The following CELF4 variants were observed in gnomAD, a reference collection of about 807,000 sequenced individuals.
The protein encoded by CELF4 is CUGBP Elav-like family member 4, also known as CUG-BP- and ETR-3-like factor 4.
In CELF4, 18 loss-of-function variants were observed where a neutral mutation model predicts 59.9. That is an observed-to-expected ratio of 0.30 (90% CI 0.21 to 0.45). The LOEUF (loss-of-function observed/expected upper bound fraction) is 0.45. Among genes scored for constraint, CELF4 ranks in the 20% least tolerant of loss-of-function variants. The pLI is 1.00. For synonymous variants in CELF4, 261 were observed against 267.1 expected, an observed-to-expected ratio of 0.98 and a Z score of 0.22; for missense variants, 456 against 689.0, an observed-to-expected ratio of 0.66 and a Z score of 3.79.
intron 3 of CELF4, among the ~76,000 whole-genome samples, chr18:37,293,345 A>G (rs2095454981): frequency 6.6e-6 from 1 of 152,108 alleles, no homozygotes. Context: ...TTTCCCAGCA[A>G]TTCTTGGCTT....
intron 2 of CELF4, among the ~76,000 whole-genome samples, chr18:37,335,709 A>G (rs1345874903): frequency 6.6e-6 from 1 of 151,982 alleles, no homozygotes; most frequent in African/African-American, 2.4e-5. Context: ...CAGGGTTTTC[A>G]CAGGTGCACT....
chr18:37,547,204 AG>A (rs1338300145), intron 1 of CELF4, among the ~76,000 whole-genome samples: 8 of 122,460 alleles, frequency 6.5e-5, no homozygotes, highest in Non-Finnish European at 1.3e-4. Context: ...CTCTTAATAC[AG>A]CTGAGCAGGG....
intron 3 of CELF4, among the ~76,000 whole-genome samples, chr18:37,302,119 C>G (rs989311538): frequency 2.0e-5 from 3 of 152,136 alleles, no homozygotes; most frequent in Admixed American, 2.0e-4. Context: ...GAATTTGGGC[C>G]GTATTAATAA....
At chr18:37,425,948 T>C (rs1378354773) in intron 2 of CELF4, among the ~76,000 whole-genome samples, 1 of 152,194 alleles carries the variant, frequency 6.6e-6, no homozygotes, top group Admixed American at 6.5e-5. Flanking sequence ...GGGAGAGGCT[T>C]CTCTGCCAAG....
chr18:37,389,420 G>A (rs2099133784), intron 2 of CELF4, among the ~76,000 whole-genome samples: 1 of 152,146 alleles, frequency 6.6e-6, no homozygotes, highest in South Asian at 2.1e-4. Context: ...TTTTAATTGA[G>A]CCTTGCACCA....
intron 2 of CELF4, among the ~76,000 whole-genome samples, chr18:37,423,399 G>C (rs1025104932): frequency 2.0e-5 from 3 of 152,176 alleles, no homozygotes; most frequent in African/African-American, 4.8e-5. Context: ...TGTGGGGCCA[G>C]AGTGGGATGG....
chr18:37,316,493 A>G (rs983019559), intron 3 of CELF4, among the ~76,000 whole-genome samples: 5 of 152,024 alleles, frequency 3.3e-5, no homozygotes, highest in Non-Finnish European at 5.9e-5. Flanking sequence ...CTTCCTGCCC[A>G]GGGACATTCC....
At chr18:37,524,653 G>A (rs943160995) in intron 1 of CELF4, among the ~76,000 whole-genome samples, 23 of 152,194 alleles carry the variant, frequency 1.5e-4, no homozygotes, top group Admixed American at 8.5e-4. Context: ...GACCTCTGGC[G>A]CCGTCCGCCC....
chr18:37,272,935 T>C (rs772656012), intron 7 of CELF4, 81 bp downstream of exon 7: 36 of 1,392,518 alleles, frequency 2.6e-5, no homozygotes, highest in Non-Finnish European at 3.5e-5. Flanking sequence ...AATGGTCCGC[T>C]GGTAGCTGAA....
intron 2 of CELF4, among the ~76,000 whole-genome samples, chr18:37,371,425 AG>A (rs1051701483): frequency 4.7e-4 from 71 of 152,334 alleles, no homozygotes; most frequent in African/African-American, 1.7e-3. Context: ...GGGATGTGCA[AG>A]GACTCTCGAG....
intron 2 of CELF4, among the ~76,000 whole-genome samples, chr18:37,438,057 A>T (rs557578953): frequency 1.3e-5 from 2 of 152,176 alleles, no homozygotes; most frequent in African/African-American, 4.8e-5. Context: ...AAGCCCAGAA[A>T]AGAGCCCTCA....
intron 2 of CELF4, among the ~76,000 whole-genome samples, chr18:37,343,140 C>T (rs573456077): frequency 2.2e-4 from 34 of 152,334 alleles, no homozygotes; most frequent in South Asian, 1.7e-3. Flanking sequence ...GCTTGCTGTG[C>T]TTATGCCTGT....
intron 2 of CELF4, among the ~76,000 whole-genome samples, chr18:37,322,148 G>A (rs1280183359): frequency 6.6e-6 from 1 of 152,222 alleles, no homozygotes; most frequent in Non-Finnish European, 1.5e-5. Context: ...CCGAGCAGCA[G>A]CTCCTACTAG....
At chr18:37,511,375 C>A (rs967575235) in intron 1 of CELF4, among the ~76,000 whole-genome samples, 6 of 152,114 alleles carry the variant, frequency 3.9e-5, no homozygotes, top group Non-Finnish European at 7.4e-5. Flanking sequence ...GGGTCCCCTG[C>A]ACAAGGCTCT....
chr18:37,466,310 G>A (rs1248292482), intron 2 of CELF4, among the ~76,000 whole-genome samples: 1 of 152,222 alleles, frequency 6.6e-6, no homozygotes, highest in Admixed American at 6.5e-5. Context: ...TTTGGGAGAA[G>A]TGAGGGGCTG....
chr18:37,330,732 C>T lies in CELF4; in HGVS notation c.370-8851G>A, dbSNP rs143519175. Among the ~76,000 whole-genome samples, 6 of 152,302 alleles carry T rather than the reference C, an allele frequency of 3.9e-5. No individual in the cohort carries two copies. In the East Asian group the frequency reaches 1.2e-3, roughly 29 times the overall value. On this transcript the variant is annotated intron_variant, in intron 2 of 12. Transcript: ENST00000420428. Reference sequence around the variant, plus strand: ...TCACACCCTGTCATGACCCTCGTTCCCTCCTGCCTCATCTGTGCCCTTGCA... The same window carrying T: ...TCACACCCTGTCATGACCCTCGTTCTCTCCTGCCTCATCTGTGCCCTTGCA...
chr18:37,562,512 C>T (rs1305340736), intron 1 of CELF4, among the ~76,000 whole-genome samples: 1 of 151,954 alleles, frequency 6.6e-6, no homozygotes, highest in South Asian at 2.1e-4. Context: ...CACAAATATG[C>T]CCTGAAACCA....
At chr18:37,455,564 A>G (rs2154601893) in intron 2 of CELF4, among the ~76,000 whole-genome samples, 1 of 152,292 alleles carries the variant, frequency 6.6e-6, no homozygotes, top group South Asian at 2.1e-4. Context: ...CAGGGCTGAC[A>G]GGGCTGAGCC....
intron 1 of CELF4, among the ~76,000 whole-genome samples, chr18:37,498,619 C>G (rs1271530394): frequency 2.0e-5 from 3 of 151,964 alleles, no homozygotes; most frequent in African/African-American, 4.8e-5. Context: ...CCCCGACCAT[C>G]CCAGGCTGCA....
Sources: gnomAD v4.1 joint callset for allele counts (sites outside exome capture counted in the v4.1 genomes callset) on GRCh38, gnomAD v4.1.1 for gene constraint, MANE v1.5 for transcripts, NCBI Gene and HGNC (gene_info 2026-07-23, HGNC 2026-07-21) for gene names.